Variants in ALX1 observed in about 807,000 individuals in gnomAD.
ALX1 encodes ALX homeobox 1.
Under a neutral mutation model 31.7 loss-of-function variants are expected in ALX1, and 19 were observed. That is an observed-to-expected ratio of 0.60 (90% CI 0.42 to 0.88). ALX1 has a LOEUF of 0.88. ALX1 is among the 40% of genes least tolerant of loss of function. The pLI is 0.00. For synonymous variants in ALX1, 153 were observed against 148.8 expected (o/e 1.03, Z -0.20); for missense variants, 415 against 407.8 (o/e 1.02, Z -0.15).
chr12:85,294,472 G>A (rs1259177755), intron 3 of ALX1, among the ~76,000 whole-genome samples: 1 of 151,044 alleles, frequency 6.6e-6, no homozygotes, highest in Middle Eastern at 3.6e-3. Flanking sequence ...TAAAGCAATC[G>A]TGAGAGTTTC....
At chr12:85,296,535 G>A (rs769588427) in intron 3 of ALX1, among the ~76,000 whole-genome samples, 5 of 151,632 alleles carry the variant, frequency 3.3e-5, no homozygotes, top group Middle Eastern at 3.4e-3. Flanking sequence ...CAGTAAATCC[G>A]CTGTACTTCC....
chr12:85,280,856 C>T, intron 1 of ALX1, among the ~76,000 whole-genome samples: 1 of 152,008 alleles, frequency 6.6e-6, no homozygotes, highest in Middle Eastern at 3.2e-3. Context: ...TGCGAGCCCG[C>T]CTTGCAGTCC....
intron 3 of ALX1, among the ~76,000 whole-genome samples, chr12:85,287,742 TA>T (rs1436007863): frequency 6.6e-6 from 1 of 151,490 alleles, no homozygotes; most frequent in Non-Finnish European, 1.5e-5. Context: ...CACTTTTTCC[TA>T]ATACTTAATA....
chr12:85,293,805 C>G (rs1224898586), intron 3 of ALX1, among the ~76,000 whole-genome samples: 1 of 151,082 alleles, frequency 6.6e-6, no homozygotes, highest in East Asian at 1.9e-4. Flanking sequence ...CCCAGGAAGT[C>G]TATTAGCACA....
intron 3 of ALX1, among the ~76,000 whole-genome samples, chr12:85,289,230 G>A (rs1370277696): frequency 6.6e-6 from 1 of 151,152 alleles, no homozygotes; most frequent in African/African-American, 2.4e-5. Flanking sequence ...AAAGGGTAAA[G>A]CATTCAGAAT....
chr12:85,285,371 T>A (rs924515371), intron 2 of ALX1, among the ~76,000 whole-genome samples: 2 of 151,878 alleles, frequency 1.3e-5, no homozygotes, highest in Non-Finnish European at 1.5e-5. Flanking sequence ...GAAAAAAAAA[T>A]AAAACCCAAA....
Position 85,280,244 on chromosome 12 carries a change from C to T in ALX1, c.-18C>T. ...CAGTTTCTGTGCCCCAGGAGCTACG[C>T]GACAGTCTTCCAGGATTATGGAGTT... On this transcript the variant is annotated 5_prime_UTR_variant, in exon 1 of 4. Coordinates refer to ENST00000316824, the MANE Select transcript of ALX1 (RefSeq NM_006982.3). The T allele has an allele frequency of 6.2e-7, 1 of 1,610,948 alleles. No individual in the cohort carries two copies. Among genetic ancestry groups the T allele is most frequent in the Non-Finnish European group, 8.5e-7 (1 of 1,178,122 alleles).
At chr12:85,301,004 A>G (rs1896957184) in intron 3 of ALX1, 151 bp from the exon 4 acceptor site, 2 of 742,602 alleles carry the variant, frequency 2.7e-6, no homozygotes, top group Non-Finnish European at 4.5e-6. Context: ...TCAAGTAATT[A>G]TTTTTTAGTC....
At chr12:85,293,317 T>C (rs948535817) in intron 3 of ALX1, among the ~76,000 whole-genome samples, 1 of 150,294 alleles carries the variant, frequency 6.7e-6, no homozygotes, top group African/African-American at 2.4e-5. Flanking sequence ...GTCAGTATCA[T>C]TAGGTGAAGG....
In ALX1 at chr12:85,301,682, G is replaced by A. The variant is rs1896969175; in HGVS notation, c.*207G>A. 1 of 623,324 alleles carries A rather than the reference G, an allele frequency of 1.6e-6. No individual in the cohort carries two copies. The highest frequency in any genetic ancestry group is 3.0e-5 in the Admixed American group (1 of 33,508). The allele number at this position is 623,324 out of a possible 1,614,324, so 38.6% of individuals were successfully genotyped here. The stretch of plus-strand genomic sequence containing the variant: ...GACTAAATAGGTTTACCATGTGCCA[G>A]TCTCCACAAACCCTGTTTTAGTAGT... On this transcript the variant is annotated 3_prime_UTR_variant, in exon 4 of 4. Coordinates refer to ENST00000316824, the MANE Select transcript of ALX1 (RefSeq NM_006982.3).
At chr12:85,289,209 A>G (rs920917371) in intron 3 of ALX1, among the ~76,000 whole-genome samples, 1 of 151,240 alleles carries the variant, frequency 6.6e-6, no homozygotes, top group South Asian at 2.1e-4. Context: ...AGCATCAATT[A>G]AGACCTATAT....
chr12:85,286,944 A>T lies in ALX1; in HGVS notation c.623A>T (p.Asp208Val). 1 of 1,612,300 alleles carries T rather than the reference A, an allele frequency of 6.2e-7. No individual in the cohort carries two copies. Among genetic ancestry groups the T allele is most frequent in the Non-Finnish European group, 8.5e-7 (1 of 1,178,644 alleles). The change falls in exon 3 of 4, where the codon GAT (aspartate) becomes GTT (valine). Residue 208 changes from aspartate to valine, a missense_variant. Physicochemically the swap from Asp to Val is radical, Grantham distance 152. Coordinates refer to ENST00000316824, the MANE Select transcript of ALX1 (RefSeq NM_006982.3). ...AAAAGCCATTTTGCTGCCACCTATG[A>T]TATATCAGTTTTGCCAAGGACTGAC... is the stretch of plus-strand genomic sequence containing the variant. Reference protein sequence around the residue: ...QAKSHFAATYDISVLPRTDSY... With the variant: ...QAKSHFAATYVISVLPRTDSY...
rs575226925 is a variant in ALX1 at position 85,284,333 on chromosome 12, A to G, written c.531+457A>G. On this transcript the variant is annotated intron_variant, in intron 2 of 3. Transcript: ENST00000316824. ...TACATCTAGAAATTTCTAGATTTGG[A>G]GGCATAATAAAAAAAAAAACAATCC... Among the ~76,000 whole-genome samples, 1,414 of 149,854 alleles carry G rather than the reference A, an allele frequency of 9.4e-3. 25 individuals are homozygous for G. The highest frequency in any genetic ancestry group is 0.033 in the African/African-American group (1,367 of 40,950).
At chr12:85,289,754 G>A (rs1896793691) in intron 3 of ALX1, among the ~76,000 whole-genome samples, 1 of 151,066 alleles carries the variant, frequency 6.6e-6, no homozygotes, top group South Asian at 2.1e-4. Flanking sequence ...ATAAAGCCGG[G>A]GGAATTTTTA....
In ALX1 at chr12:85,283,775, C is replaced by G. The variant is rs552239444; in HGVS notation, c.430C>G (p.Leu144Val). 1 of 1,614,118 alleles carries G rather than the reference C, an allele frequency of 6.2e-7. No homozygotes were observed. Among genetic ancestry groups the G allele is most frequent in the South Asian group, 1.1e-5 (1 of 91,080 alleles). The change falls in exon 2 of 4, where the codon CTA (leucine) becomes GTA (valine). Residue 144 changes from leucine to valine, a missense_variant. By Grantham distance (32) the Leu-to-Val change is conservative (BLOSUM62 1). Coordinates refer to ENST00000316824, the MANE Select transcript of ALX1 (RefSeq NM_006982.3). ...CCGAACCACCTTCACCAGTTTGCAGCTAGAGGAGCTGGAGAAAGTCTTTCA... is the reference window on the plus strand; with the variant it reads ...CCGAACCACCTTCACCAGTTTGCAGGTAGAGGAGCTGGAGAAAGTCTTTCA... Reference protein sequence around the residue: ...RHRTTFTSLQLEELEKVFQKT... With the variant: ...RHRTTFTSLQVEELEKVFQKT...
In ALX1 at chr12:85,280,372, T is replaced by C. The variant is rs760284048; in HGVS notation, c.111T>C (p.Asn37=). The C allele has an allele frequency of 5.6e-6, 9 of 1,613,840 alleles. No individual in the cohort carries two copies. The highest frequency in any genetic ancestry group is 5.9e-6 in the Non-Finnish European group (7 of 1,180,004). Residue 37 remains asparagine (N), a synonymous_variant, in exon 1 of 4, where the codon AAT becomes AAC. Coordinates refer to ENST00000316824, the MANE Select transcript of ALX1 (RefSeq NM_006982.3). ...PLEHVMETLD[N]ESFYSKASAG... ...AGCACGTTATGGAGACGCTGGACAA[T>C]GAGTCCTTTTACAGCAAAGCGTCTG... is the stretch of plus-strand genomic sequence containing the variant.
chr12:85,289,558 A>G (rs986837947), intron 3 of ALX1, among the ~76,000 whole-genome samples: 2 of 151,218 alleles, frequency 1.3e-5, no homozygotes, highest in Admixed American at 1.3e-4. Flanking sequence ...TACATTGGCT[A>G]TACCACCTGA....
chr12:85,288,055 C>G (rs972432013), intron 3 of ALX1, among the ~76,000 whole-genome samples: 2 of 151,414 alleles, frequency 1.3e-5, no homozygotes, highest in African/African-American at 4.8e-5. Context: ...TTAGAAACCT[C>G]ACTCCTCCAG....
At position 85,301,559 on chromosome 12, in the gene ALX1, C is replaced by T; in HGVS notation, c.*84C>T. 1 of 1,420,148 alleles carries T rather than the reference C, an allele frequency of 7.0e-7. No individual in the cohort carries two copies. Among genetic ancestry groups the T allele is most frequent in the Non-Finnish European group, 9.8e-7 (1 of 1,022,742 alleles). 88.0% of individuals were successfully genotyped at this position (1,420,148 alleles called of 1,614,324 possible). On this transcript the variant is annotated 3_prime_UTR_variant, in exon 4 of 4. Transcript: ENST00000316824. ...ATTTAAAGGATACCACAATAAGCTG[C>T]TGTGTGTGGAATTGCTAAAGGTCAA...
Sources: allele counts gnomAD v4.1 joint callset (sites outside exome capture counted in the v4.1 genomes callset), GRCh38; gene constraint gnomAD v4.1.1; transcripts MANE v1.5; gene names NCBI Gene and HGNC (gene_info 2026-07-23, HGNC 2026-07-21).